The following SCUBE1 variants were observed in gnomAD, a reference collection of about 807,000 sequenced individuals.
SCUBE1 encodes signal peptide, CUB and EGF-like domain-containing protein 1.
SCUBE1 carries 59 observed loss-of-function variants against 124.4 expected under a neutral mutation model. The observed-to-expected ratio is 0.47, with a 90% CI of 0.38 to 0.59. The LOEUF (loss-of-function observed/expected upper bound fraction) is 0.59. SCUBE1 is among the 20% of genes least tolerant of loss of function. SCUBE1 has a pLI of 0.00. For synonymous variants in SCUBE1, 545 were observed against 550.9 expected, an observed-to-expected ratio of 0.99 and a Z score of 0.15; for missense variants, 1,150 against 1,371.2, an observed-to-expected ratio of 0.84 and a Z score of 2.55.
chr22:43,255,315 G>A lies in SCUBE1; in HGVS notation c.727+2904C>T, dbSNP rs1377964708. ...CCGCACTCACACGACACGCAGGACT[G>A]CACACACGTGGGCACACCCCACAAC... On this transcript the variant is annotated intron_variant, in intron 6 of 21. Coordinates refer to ENST00000360835, the MANE Select transcript of SCUBE1 (RefSeq NM_173050.5). The surrounding 1 kb of genome is among the most constrained non-coding windows in gnomAD (Gnocchi z 4.7). 6.6e-6 allele frequency among the ~76,000 whole-genome samples: 1 copy of A among 152,102 alleles called. No individual in the cohort carries two copies. Among genetic ancestry groups the A allele is most frequent in the African/African-American group, 2.4e-5 (1 of 41,388 alleles).
At chr22:43,217,099 TCCCCCAAC>T (rs1164486065) in intron 15 of SCUBE1, among the ~76,000 whole-genome samples, 1 of 68,728 alleles carries the variant, frequency 1.5e-5, no homozygotes, top group African/African-American at 1.2e-4. Flanking sequence ...ACCAACAGCT[TCCCCCAAC>T]CCCCACCCCC....
At chr22:43,229,031 T>C in intron 9 of SCUBE1, 41 bp downstream of exon 9, 1 of 1,464,352 alleles carries the variant, frequency 6.8e-7, no homozygotes, top group Non-Finnish European at 9.5e-7. Context: ...GCCAGGCGCG[T>C]GCCTCGGGGG....
At chr22:43,339,526 A>C (rs1927198079) in intron 1 of SCUBE1, among the ~76,000 whole-genome samples, 1 of 151,788 alleles carries the variant, frequency 6.6e-6, no homozygotes, top group Non-Finnish European at 1.5e-5. Flanking sequence ...CTGAGGCTTA[A>C]GGAGACAGTG....
At position 43,201,922 on chromosome 22, in the gene SCUBE1, CA is replaced by C. The variant is rs1921024516; in HGVS notation, c.*2074del. ...ATCTTGGGGATGACTGACGGCTCCACAAAGGGAGGGAGGGAGGCCTCTTTCC... is the reference window on the plus strand; with the variant it reads ...ATCTTGGGGATGACTGACGGCTCCACAAGGGAGGGAGGGAGGCCTCTTTCC... On this transcript the variant is annotated 3_prime_UTR_variant, in exon 22 of 22. Transcript: ENST00000360835. The C allele has an allele frequency of 6.6e-6, 1 of 152,170 alleles. No homozygotes were observed. The highest frequency in any genetic ancestry group is 2.1e-4 in the South Asian group (1 of 4,824). The allele number at this position is 152,170 out of a possible 1,614,324, so 9.4% of individuals were successfully genotyped here.
chr22:43,313,690 C>T (rs1010521614), intron 3 of SCUBE1, among the ~76,000 whole-genome samples: 2 of 152,118 alleles, frequency 1.3e-5, no homozygotes, highest in African/African-American at 4.8e-5. Context: ...AGAAATTCCT[C>T]AATAAAGATG....
intron 10 of SCUBE1, among the ~76,000 whole-genome samples, chr22:43,226,295 G>A (rs1922300102): frequency 6.6e-6 from 1 of 152,326 alleles, no homozygotes; most frequent in East Asian, 1.9e-4. Flanking sequence ...TGTGATGGGA[G>A]GGAAAGCAAG....
chr22:43,222,568 C>T (rs1380197554), intron 12 of SCUBE1, 70 bp downstream of exon 12: 1 of 1,243,074 alleles, frequency 8.0e-7, no homozygotes, highest in South Asian at 1.3e-5. Flanking sequence ...CTTTCCTCCC[C>T]CGCCAGCATG....
At position 43,339,744 on chromosome 22, in the gene SCUBE1, G is replaced by A. The variant is rs1183563320; in HGVS notation, c.89-509C>T. Reference sequence around the variant, plus strand: ...CCTCATTCTACCCCCCACAAGCATAGCTCCAACCCTCCCCCCACTCTCCTC... The same window carrying A: ...CCTCATTCTACCCCCCACAAGCATAACTCCAACCCTCCCCCCACTCTCCTC... On this transcript the variant is annotated intron_variant, in intron 1 of 21. Transcript: ENST00000360835. 4.0e-4 allele frequency among the ~76,000 whole-genome samples: 29 copies of A among 72,252 alleles called. No individual in the cohort carries two copies. In the East Asian group the frequency reaches 8.9e-3, roughly 22 times the overall value. 47.4% of individuals were successfully genotyped at this position (72,252 alleles called of 152,430 possible). A position where few individuals can be genotyped will look rare whatever the true frequency, so the allele number is the denominator to read the frequency against.
Position 43,212,560 on chromosome 22 carries a change from C to A in SCUBE1, c.2086G>T (p.Gly696Cys). 6.4e-7 allele frequency: 1 copy of A among 1,566,342 alleles called. No homozygotes were observed. Among genetic ancestry groups the A allele is most frequent in the Non-Finnish European group, 8.6e-7 (1 of 1,156,776 alleles). The change falls in exon 17 of 22, where the codon GGC becomes TGC. Residue 696 changes from glycine (G) to cysteine (C), a missense_variant. By Grantham distance (159) the Gly-to-Cys change is radical. This residue lies in a region of SCUBE1 where 757 missense variants were observed against 840.9 expected (regional missense o/e 0.90). Coordinates refer to ENST00000360835, the MANE Select transcript of SCUBE1 (RefSeq NM_173050.5). ...QCSPGFFSAD[G>C]FKPCQACPVG... ...GGGCAGGCCTGGCAGGGCTTGAAGC[C>A]ATCGGCCGAGAAGAAGCCTGGAGAA...
At chr22:43,321,056 C>T (rs994971236) in intron 2 of SCUBE1, among the ~76,000 whole-genome samples, 1 of 152,148 alleles carries the variant, frequency 6.6e-6, no homozygotes, top group East Asian at 1.9e-4. Context: ...CTCCGAGACA[C>T]GATGGGGAGA....
At chr22:43,209,574 A>G (rs1036856403) in intron 19 of SCUBE1, among the ~76,000 whole-genome samples, 16 of 152,070 alleles carry the variant, frequency 1.1e-4, no homozygotes, top group African/African-American at 3.9e-4. Context: ...GGGCTCACAG[A>G]GGGGTGGGGA....
rs1399826272 is a variant in SCUBE1 at position 43,198,298 on chromosome 22, G to C, written c.*5699C>G. 1.5e-5 allele frequency: 5 copies of C among 326,972 alleles called. No homozygotes were observed. Among genetic ancestry groups the C allele is most frequent in the African/African-American group, 8.7e-5 (4 of 46,168 alleles). The allele number at this position is 326,972 out of a possible 1,614,324, so 20.3% of individuals were successfully genotyped here. A position where few individuals can be genotyped will look rare whatever the true frequency, so the allele number is the denominator to read the frequency against. On this transcript the variant is annotated 3_prime_UTR_variant, in exon 22 of 22. Coordinates refer to ENST00000360835, the MANE Select transcript of SCUBE1 (RefSeq NM_173050.5). ...CTCACTCAGGGGCTCTGAGTGGCAT[G>C]GTGCAGCAGGGGACTGGAGAGGCCT...
intron 1 of SCUBE1, 50 bp from the exon 2 acceptor site, chr22:43,339,285 C>T (rs1569037626): frequency 2.5e-6 from 4 of 1,591,618 alleles, no homozygotes; most frequent in Non-Finnish European, 3.4e-6. Context: ...GGCCCCAGGG[C>T]AGGTGGCCGA....
intron 10 of SCUBE1, among the ~76,000 whole-genome samples, chr22:43,223,821 C>T (rs1324978143): frequency 6.6e-6 from 1 of 152,242 alleles, no homozygotes; most frequent in Admixed American, 6.5e-5. Context: ...AAAGCCACCT[C>T]ATGAGTGACA....
chr22:43,277,369 C>G (rs1218418559), intron 4 of SCUBE1, among the ~76,000 whole-genome samples: 1 of 151,596 alleles, frequency 6.6e-6, no homozygotes, highest in African/African-American at 2.4e-5. Flanking sequence ...TGGCTGCTAC[C>G]AGAAGGCTTG....
Position 43,234,918 on chromosome 22 carries a change from C to T in SCUBE1, c.845-3043G>A, listed in dbSNP as rs1922697189. On this transcript the variant is annotated intron_variant, in intron 7 of 21. Coordinates refer to ENST00000360835, the MANE Select transcript of SCUBE1 (RefSeq NM_173050.5). The surrounding 1 kb of genome is among the most constrained non-coding windows in gnomAD (Gnocchi z 4.4). ...CTGGCAGCCTGGACTCCAGTGACCG[C>T]ACCCAGTACAGCCACAGCCCCCCTC... 1.3e-5 allele frequency among the ~76,000 whole-genome samples: 2 copies of T among 152,176 alleles called. No homozygotes were observed. The highest frequency in any genetic ancestry group is 1.5e-5 in the Non-Finnish European group (1 of 68,024).
intron 7 of SCUBE1, chr22:43,232,179 G>A (rs552562609): frequency 3.2e-5 from 11 of 340,806 alleles, no homozygotes; most frequent in African/African-American, 1.6e-4. Flanking sequence ...TGCTGTGCCC[G>A]GCAAGAAAGC....
intron 15 of SCUBE1, among the ~76,000 whole-genome samples, chr22:43,214,923 A>G (rs986703289): frequency 6.6e-6 from 1 of 152,158 alleles, no homozygotes; most frequent in Non-Finnish European, 1.5e-5. Flanking sequence ...AAGGTTAGAA[A>G]AGACCCTGAG....
At position 43,211,011 on chromosome 22, in the gene SCUBE1, T is replaced by G; in HGVS notation, c.2294A>C (p.Gln765Pro). ...RCIRCPVGTY[Q>P]PEFGQNHCIT... is the part of the protein sequence containing the mutation. ...GCAGTGGTTCTGGCCAAACTCGGGC[T>G]GGTAGGTGCCGACGGGGCAGCGGAT... Residue 765 changes from glutamine to proline, a missense_variant, in exon 18 of 22, where the codon CAG becomes CCG. Physicochemically the swap from Gln to Pro is moderately conservative, Grantham distance 76 (BLOSUM62 -1). Around this residue, in one of 3 missense-constraint regions of SCUBE1, gnomAD observed 757 missense variants for 840.9 expected, o/e 0.90. Coordinates refer to ENST00000360835, the MANE Select transcript of SCUBE1 (RefSeq NM_173050.5). The surrounding 1 kb of genome is among the most constrained non-coding windows in gnomAD (Gnocchi z 4.5). 6.2e-7 allele frequency: 1 copy of G among 1,614,116 alleles called. No individual in the cohort carries two copies. Among genetic ancestry groups the G allele is most frequent in the Non-Finnish European group, 8.5e-7 (1 of 1,180,014 alleles).
Sources: gnomAD v4.1 joint callset for allele counts (sites outside exome capture counted in the v4.1 genomes callset) on GRCh38, gnomAD v4.1.1 for gene constraint, gnomAD v4.1.1 regional missense constraint, Gnocchi (gnomAD v3.1) non-coding constraint, MANE v1.5 for transcripts, NCBI Gene and HGNC (gene_info 2026-07-23, HGNC 2026-07-21) for gene names.